PCNX1: variants seen among roughly 807,000 people sequenced by gnomAD.
The protein encoded by PCNX1 is pecanex-like protein 1.
PCNX1 carries 78 observed loss-of-function variants against 242.2 expected under a neutral mutation model. The observed-to-expected ratio is 0.32, with a 90% CI of 0.27 to 0.39. PCNX1 has a LOEUF of 0.39. Ranked by LOEUF, PCNX1 falls within the 10% of genes least tolerant of loss-of-function variation. The pLI is 1.00. For synonymous variants in PCNX1, 1,024 were observed against 1,032.9 expected (o/e 0.99, Z 0.17); for missense variants, 2,581 against 2,856.5 (o/e 0.90, Z 2.20).
At chr14:70,948,011 T>C (rs1207242812) in intron 2 of PCNX1, among the ~76,000 whole-genome samples, 1 of 152,154 alleles carries the variant, frequency 6.6e-6, no homozygotes, top group African/African-American at 2.4e-5. Context: ...ATTGGGAAAT[T>C]CCAGCCTGGC....
chr14:71,012,675 G>C (rs1472453959), intron 10 of PCNX1: 2 of 319,912 alleles, frequency 6.3e-6, no homozygotes, highest in East Asian at 8.8e-5. Flanking sequence ...ACAAAAAATA[G>C]AAAAAGAATT....
At chr14:71,106,555 T>C (rs1283217745) in intron 33 of PCNX1, among the ~76,000 whole-genome samples, 4 of 152,068 alleles carry the variant, frequency 2.6e-5, no homozygotes, top group African/African-American at 9.7e-5. Flanking sequence ...AGGTTTTTTT[T>C]TTTTTTTAAA....
chr14:70,990,038 CTT>C (rs2059117875), intron 7 of PCNX1, among the ~76,000 whole-genome samples: 1 of 152,154 alleles, frequency 6.6e-6, no homozygotes, highest in South Asian at 2.1e-4. Flanking sequence ...AACCCCTTCT[CTT>C]GTTAAAACCT....
At chr14:70,910,455 C>T (rs1291745129) in intron 1 of PCNX1, among the ~76,000 whole-genome samples, 9 of 151,926 alleles carry the variant, frequency 5.9e-5, no homozygotes, top group African/African-American at 2.2e-4. Flanking sequence ...ACATTTGCCG[C>T]CTTACTCTTC....
intron 8 of PCNX1, among the ~76,000 whole-genome samples, chr14:70,998,222 A>T (rs1235842652): frequency 6.6e-6 from 1 of 152,188 alleles, no homozygotes; most frequent in Non-Finnish European, 1.5e-5. Flanking sequence ...GTGTCACAAT[A>T]GGTAACCATA....
At chr14:70,956,876 C>G (rs1020044591) in intron 2 of PCNX1, among the ~76,000 whole-genome samples, 3 of 151,954 alleles carry the variant, frequency 2.0e-5, no homozygotes, top group Admixed American at 2.0e-4. Context: ...AGAATAATAA[C>G]TGTAAGAGGA....
intron 11 of PCNX1, among the ~76,000 whole-genome samples, chr14:71,014,896 G>A (rs756510804): frequency 6.6e-6 from 1 of 152,120 alleles, no homozygotes. Context: ...AGCATAAAAT[G>A]CTTGAATAAA....
At chr14:71,059,426 C>T (rs1327623057) in intron 26 of PCNX1, among the ~76,000 whole-genome samples, 1 of 152,046 alleles carries the variant, frequency 6.6e-6, no homozygotes, top group Admixed American at 6.6e-5. Context: ...CTCTGTCACC[C>T]AGGCTGGAGT....
intron 1 of PCNX1, among the ~76,000 whole-genome samples, chr14:70,935,319 G>A (rs1389321434): frequency 6.6e-6 from 1 of 152,136 alleles, no homozygotes; most frequent in Non-Finnish European, 1.5e-5. Context: ...GGTTGAGGTG[G>A]GAGAATCACT....
At chr14:70,919,564 G>T (rs2056287123) in intron 1 of PCNX1, among the ~76,000 whole-genome samples, 1 of 152,072 alleles carries the variant, frequency 6.6e-6, no homozygotes, top group South Asian at 2.1e-4. Context: ...GAGAAGAGAA[G>T]ATTACAACAA....
intron 1 of PCNX1, among the ~76,000 whole-genome samples, chr14:70,936,664 G>A (rs1013814060): frequency 7.9e-5 from 12 of 152,194 alleles, no homozygotes; most frequent in Non-Finnish European, 1.3e-4. Flanking sequence ...GGATGGCTGG[G>A]TCAAATGGTA....
At chr14:70,949,720 C>G (rs2057701571) in intron 2 of PCNX1, among the ~76,000 whole-genome samples, 1 of 152,214 alleles carries the variant, frequency 6.6e-6, no homozygotes, top group Admixed American at 6.5e-5. Context: ...CAGTCACATT[C>G]TGTAGCATGA....
At chr14:71,066,062 G>A (rs1209933910) in intron 26 of PCNX1, among the ~76,000 whole-genome samples, 2 of 152,126 alleles carry the variant, frequency 1.3e-5, no homozygotes, top group African/African-American at 4.8e-5. Context: ...CTCCAGCTTT[G>A]TTCTTTTTGC....
chr14:70,935,626 G>A (rs556389039), intron 1 of PCNX1, among the ~76,000 whole-genome samples: 17 of 152,272 alleles, frequency 1.1e-4, no homozygotes, highest in African/African-American at 4.1e-4. Context: ...CGATGAATTT[G>A]TCTAACACTG....
chr14:70,976,927 A>G lies in PCNX1; in HGVS notation c.605-15A>G. 6.3e-7 allele frequency: 1 copy of G among 1,597,520 alleles called. No homozygotes were observed. Among genetic ancestry groups the G allele is most frequent in the Non-Finnish European group, 8.6e-7 (1 of 1,169,490 alleles). On this transcript the variant is annotated splice_polypyrimidine_tract_variant and intron_variant, in intron 5 of 35. Coordinates refer to ENST00000304743, the MANE Select transcript of PCNX1 (RefSeq NM_014982.3). The stretch of plus-strand genomic sequence containing the variant: ...TACATTTATTTTAACATTTCAAAAT[A>G]TGTGTTTGAAACAGATTTGGCAGCT...
intron 8 of PCNX1, among the ~76,000 whole-genome samples, chr14:71,006,705 C>CGT (rs769732754): frequency 2.0e-5 from 3 of 152,058 alleles, no homozygotes; most frequent in Non-Finnish European, 4.4e-5. Context: ...CTTGTACAAA[C>CGT]GTAATCTTCA....
At chr14:71,029,874 T>C (rs1161453099) in intron 16 of PCNX1, among the ~76,000 whole-genome samples, 1 of 152,212 alleles carries the variant, frequency 6.6e-6, no homozygotes, top group East Asian at 1.9e-4. Context: ...TTTAATTTCT[T>C]CTTACCCACA....
chr14:70,983,863 C>T lies in PCNX1; in HGVS notation c.2312-4704C>T, dbSNP rs2058918530. Among the ~76,000 whole-genome samples, 3 of 151,310 alleles carry T rather than the reference C, an allele frequency of 2.0e-5. 1 individual carries two copies. The highest frequency in any genetic ancestry group is 2.0e-4 in the Admixed American group (3 of 15,172). On this transcript the variant is annotated intron_variant, in intron 6 of 35. Transcript: ENST00000304743. ...AATCTTTGTATGTTGATGGTAGCAT[C>T]GTTCTTGGCTGACAAAGAAACTAAG...
chr14:70,955,920 G>A (rs905267764), intron 2 of PCNX1, among the ~76,000 whole-genome samples: 6 of 150,844 alleles, frequency 4.0e-5, no homozygotes, highest in Non-Finnish European at 8.9e-5. Flanking sequence ...TTATTCCTTT[G>A]ATATCTCCTT....
Sources: gnomAD v4.1 joint callset for allele counts (sites outside exome capture counted in the v4.1 genomes callset) on GRCh38, gnomAD v4.1.1 for gene constraint, MANE v1.5 for transcripts, NCBI Gene and HGNC (gene_info 2026-07-23, HGNC 2026-07-21) for gene names.